RAP1GAP2: variants seen among roughly 807,000 people sequenced by gnomAD.
The protein encoded by RAP1GAP2 is rap1 GTPase-activating protein 2.
RAP1GAP2 carries 27 observed loss-of-function variants against 95.0 expected under a neutral mutation model. The observed-to-expected ratio is 0.28, with a 90% CI of 0.21 to 0.39. The LOEUF (loss-of-function observed/expected upper bound fraction) is 0.39. RAP1GAP2 is among the 10% of genes least tolerant of loss of function. The probability of loss-of-function intolerance (pLI) is 1.00; values close to 1 mark genes in which losing one functional copy is unlikely to be tolerated. For missense variants in RAP1GAP2, 771 were observed against 970.0 expected, an observed-to-expected ratio of 0.79 and a Z score of 2.72; for synonymous variants, 373 against 380.9, an observed-to-expected ratio of 0.98 and a Z score of 0.24.
At chr17:2,876,674 G>C (rs1302966656) in intron 2 of RAP1GAP2, among the ~76,000 whole-genome samples, 1 of 152,158 alleles carries the variant, frequency 6.6e-6, no homozygotes, top group East Asian at 1.9e-4. Flanking sequence ...CCTGGAGTCT[G>C]TTCTATGAGT....
At chr17:2,997,686 A>G (rs1251853227) in intron 13 of RAP1GAP2, among the ~76,000 whole-genome samples, 1 of 152,014 alleles carries the variant, frequency 6.6e-6, no homozygotes, top group Non-Finnish European at 1.5e-5. Flanking sequence ...TCATCCCAGC[A>G]CTTTGGGAGG....
chr17:2,848,933 C>A (rs926557481), intron 2 of RAP1GAP2, among the ~76,000 whole-genome samples: 5 of 152,198 alleles, frequency 3.3e-5, no homozygotes, highest in Non-Finnish European at 7.3e-5. Context: ...CCTAAGGGGG[C>A]ATCCCAGAGA....
At chr17:2,923,354 CAG>C (rs1365416046) in intron 3 of RAP1GAP2, among the ~76,000 whole-genome samples, 1 of 134,128 alleles carries the variant, frequency 7.5e-6, no homozygotes, top group East Asian at 2.3e-4. Flanking sequence ...TTTTTTGAGA[CAG>C]AGTCTCGCTC....
At chr17:2,945,035 G>A (rs1361059217) in intron 3 of RAP1GAP2, among the ~76,000 whole-genome samples, 3 of 151,882 alleles carry the variant, frequency 2.0e-5, no homozygotes, top group African/African-American at 7.3e-5. Flanking sequence ...CACCACGCCC[G>A]GCTGATTTTT....
At chr17:2,925,288 G>GT (rs1405185902) in intron 3 of RAP1GAP2, among the ~76,000 whole-genome samples, 1 of 152,192 alleles carries the variant, frequency 6.6e-6, no homozygotes, top group Admixed American at 6.5e-5. Context: ...CTTCATCGCA[G>GT]TATAAATAGA....
chr17:2,956,849 C>A (rs961802860), intron 3 of RAP1GAP2, among the ~76,000 whole-genome samples: 4 of 152,184 alleles, frequency 2.6e-5, no homozygotes, highest in Admixed American at 6.5e-5. Flanking sequence ...CCCATCTAGG[C>A]TGGGCGTGGT....
intron 2 of RAP1GAP2, among the ~76,000 whole-genome samples, chr17:2,900,102 G>A (rs1263787448): frequency 1.3e-5 from 2 of 152,170 alleles, no homozygotes; most frequent in Non-Finnish European, 2.9e-5. Flanking sequence ...TGTGGGGAGG[G>A]GATGCAGGAA....
At chr17:3,018,834 G>A (rs2046863625) in intron 18 of RAP1GAP2, among the ~76,000 whole-genome samples, 1 of 152,194 alleles carries the variant, frequency 6.6e-6, no homozygotes, top group Non-Finnish European at 1.5e-5. Flanking sequence ...GGAGGCTGAG[G>A]CAGGTGGACC....
At chr17:3,032,246 C>T (rs527377947) in intron 23 of RAP1GAP2, among the ~76,000 whole-genome samples, 165 bp from the exon 24 acceptor site, 15 of 151,776 alleles carry the variant, frequency 9.9e-5, no homozygotes, top group East Asian at 7.8e-4. Context: ...GCCAGACTAT[C>T]GAGAACTCCA....
intron 14 of RAP1GAP2, among the ~76,000 whole-genome samples, chr17:3,002,547 G>T (rs931440152): frequency 1.1e-4 from 17 of 152,324 alleles, no homozygotes; most frequent in African/African-American, 3.8e-4. Context: ...AGGGGGCCTG[G>T]GTGAAGCAGG....
intron 3 of RAP1GAP2, among the ~76,000 whole-genome samples, chr17:2,914,534 A>C (rs112027587): frequency 2.0e-5 from 3 of 152,170 alleles, no homozygotes; most frequent in African/African-American, 7.2e-5. Context: ...TCTGTCGCCC[A>C]GGCTGGAGTG....
chr17:3,030,906 C>T lies in RAP1GAP2; in HGVS notation c.2108-16C>T. ...CCACAGCTCCACCCTCCTTTCATGG[C>T]CGTTCTTTTTCTTAGATGCCAAAAG... On this transcript the variant is annotated splice_polypyrimidine_tract_variant and intron_variant, in intron 22 of 24. Transcript: ENST00000254695. 1.9e-6 allele frequency: 3 copies of T among 1,600,124 alleles called. No homozygotes were observed. The highest frequency in any genetic ancestry group is 8.5e-7 in the Non-Finnish European group (1 of 1,172,600).
intron 2 of RAP1GAP2, among the ~76,000 whole-genome samples, chr17:2,895,910 C>T (rs774092522): frequency 5.9e-5 from 9 of 152,150 alleles, no homozygotes; most frequent in South Asian, 2.1e-4. Flanking sequence ...GCTGTGCCCT[C>T]GAATGGTGTG....
intron 1 of RAP1GAP2, among the ~76,000 whole-genome samples, chr17:2,783,888 T>C (rs1245118815): frequency 6.6e-6 from 1 of 152,184 alleles, no homozygotes; most frequent in Admixed American, 6.5e-5. Context: ...ACATGCTAGA[T>C]TGGGCTTCCT....
chr17:2,889,304 T>C (rs111637079), intron 2 of RAP1GAP2, among the ~76,000 whole-genome samples: 2,784 of 152,270 alleles, frequency 0.018, 80 homozygotes, highest in African/African-American at 0.062. Context: ...GTCCTCCACC[T>C]CTTGGGGTCT....
At chr17:2,898,043 C>T (rs531671223) in intron 2 of RAP1GAP2, among the ~76,000 whole-genome samples, 1 of 151,918 alleles carries the variant, frequency 6.6e-6, no homozygotes, top group African/African-American at 2.4e-5. Flanking sequence ...ACCTCAGCCT[C>T]CTGAATAGCT....
At chr17:3,007,221 C>T (rs2046369843) in intron 16 of RAP1GAP2, among the ~76,000 whole-genome samples, 1 of 152,058 alleles carries the variant, frequency 6.6e-6, no homozygotes, top group African/African-American at 2.4e-5. Flanking sequence ...TCCAGAAGGG[C>T]TTTGAGCTCG....
intron 1 of RAP1GAP2, among the ~76,000 whole-genome samples, chr17:2,757,164 G>GC (rs2071163732): frequency 1.3e-5 from 2 of 152,126 alleles, no homozygotes; most frequent in African/African-American, 4.8e-5. Context: ...TGTTGCCCAG[G>GC]CTGGAGTGCA....
chr17:2,904,390 G>T lies in RAP1GAP2; in HGVS notation c.81-894G>T, dbSNP rs1044750850. On this transcript the variant is annotated intron_variant, in intron 2 of 24. Coordinates refer to ENST00000254695, the MANE Select transcript of RAP1GAP2 (RefSeq NM_015085.5). This position sits in a 1 kb window ranked among gnomAD's most constrained non-coding sequence, Gnocchi z 4.7. Reference sequence around the variant, plus strand: ...GGGAGTGTGTGAGCGCGGCAAACTTGTCGCAGTCATGTTGCCATGGTGACA... The same window carrying T: ...GGGAGTGTGTGAGCGCGGCAAACTTTTCGCAGTCATGTTGCCATGGTGACA... Among the ~76,000 whole-genome samples the T allele has an allele frequency of 1.3e-5, 2 of 152,128 alleles. No homozygotes were observed. The highest frequency in any genetic ancestry group is 2.4e-5 in the African/African-American group (1 of 41,438).
Sources: gnomAD v4.1 joint callset for allele counts (sites outside exome capture counted in the v4.1 genomes callset) on GRCh38, gnomAD v4.1.1 for gene constraint, Gnocchi (gnomAD v3.1) non-coding constraint, MANE v1.5 for transcripts, NCBI Gene and HGNC (gene_info 2026-07-23, HGNC 2026-07-21) for gene names.